Variants in ABCC2 observed in about 807,000 individuals in gnomAD.
ABCC2 encodes ATP binding cassette subfamily C member 2, also known as ATP-binding cassette sub-family C member 2.
A neutral mutation model predicts 173.4 loss-of-function variants in ABCC2; 157 were observed. The ratio of observed to expected loss-of-function variants is 0.91; its 90% CI spans 0.80 to 1.03. ABCC2 has a LOEUF of 1.03. Ranked by LOEUF, ABCC2 falls within the 50% of genes least tolerant of loss-of-function variation. The probability of loss-of-function intolerance (pLI) is 0.00; values close to 1 mark genes in which losing one functional copy is unlikely to be tolerated. For synonymous variants in ABCC2, 657 were observed against 693.5 expected, an observed-to-expected ratio of 0.95 and a Z score of 0.83; for missense variants, 1,822 against 1,852.3, an observed-to-expected ratio of 0.98 and a Z score of 0.30.
At chr10:99,850,011 C>T (rs1292092160) in intron 30 of ABCC2, among the ~76,000 whole-genome samples, 2 of 152,204 alleles carry the variant, frequency 1.3e-5, no homozygotes, top group Non-Finnish European at 2.9e-5. Flanking sequence ...CAAGACATCA[C>T]GTTCATTAGA....
At chr10:99,810,793 G>C (rs1332446798) in intron 14 of ABCC2, among the ~76,000 whole-genome samples, 1 of 152,196 alleles carries the variant, frequency 6.6e-6, no homozygotes, top group Non-Finnish European at 1.5e-5. Context: ...GGAAGGCCGA[G>C]GTGGGTGGAT....
intron 21 of ABCC2, among the ~76,000 whole-genome samples, 161 bp from the exon 22 acceptor site, chr10:99,831,450 C>G (rs1228555352): frequency 1.3e-5 from 2 of 152,170 alleles, no homozygotes; most frequent in Non-Finnish European, 1.5e-5. Context: ...TATTATCCTT[C>G]CTGGCACAGT....
rs17216296 is a variant in ABCC2, at chr10:99,847,056, C to T, written c.4242C>T (p.His1414=). The change falls in exon 30 of 32, where the codon CAC becomes CAT. Residue 1414 remains histidine, a synonymous_variant. Transcript: ENST00000647814. ...TTTGGAAGGCCTTGGAGCTGGCTCA[C>T]CTCAAGTCTTTTGTGGCCAGCCTGC... The part of the protein sequence containing the change: ...EEIWKALELA[H]LKSFVASLQL... 2.5e-5 allele frequency: 41 copies of T among 1,614,234 alleles called. No individual in the cohort carries two copies. The African/African-American group carries it at 4.4e-4, about 17-fold the overall frequency.
chr10:99,787,460 G>T (rs79389568), intron 2 of ABCC2, among the ~76,000 whole-genome samples: 88,402 of 150,190 alleles, frequency 0.59, 26,156 homozygotes, highest in East Asian at 0.77. Flanking sequence ...CCTTTTTTTG[G>T]GGGGACGGAG....
chr10:99,812,064 C>T (rs75883658), intron 15 of ABCC2, among the ~76,000 whole-genome samples: 1,926 of 152,260 alleles, frequency 0.013, 50 homozygotes, highest in African/African-American at 0.044. Flanking sequence ...AATAGCACAC[C>T]CAATTCATCC....
At chr10:99,801,268 G>A (rs756294682) in intron 9 of ABCC2, among the ~76,000 whole-genome samples, 26 of 151,900 alleles carry the variant, frequency 1.7e-4, no homozygotes, top group Non-Finnish European at 3.5e-4. Flanking sequence ...ATGGAGTCTC[G>A]CTCTATCACC....
intron 2 of ABCC2, among the ~76,000 whole-genome samples, chr10:99,789,779 C>G (rs1269267765): frequency 6.7e-6 from 1 of 149,030 alleles, no homozygotes; most frequent in Non-Finnish European, 1.5e-5. Context: ...AATTAAAGAG[C>G]TGGACTGTAA....
At chr10:99,792,207 T>C in intron 2 of ABCC2, 27 bp from the exon 3 acceptor site, 1 of 1,613,614 alleles carries the variant, frequency 6.2e-7, no homozygotes, top group Non-Finnish European at 8.5e-7. Flanking sequence ...TGATATCCTC[T>C]TAACAGTGGT....
At chr10:99,791,632 G>T (rs1010917298) in intron 2 of ABCC2, among the ~76,000 whole-genome samples, 4 of 152,192 alleles carry the variant, frequency 2.6e-5, no homozygotes, top group African/African-American at 9.7e-5. Flanking sequence ...GGGGTTACTG[G>T]CATGTGAAGT....
intron 16 of ABCC2, among the ~76,000 whole-genome samples, chr10:99,814,434 T>A (rs1360631918): frequency 8.1e-6 from 1 of 123,530 alleles, no homozygotes; most frequent in Admixed American, 7.8e-5. Context: ...CATATATGTG[T>A]ATACACACAT....
In ABCC2 at chr10:99,814,570, CACACATATGTGTATAT is replaced by C. The variant is rs1564685399; in HGVS notation, c.2094+1435_2094+1450del. On this transcript the variant is annotated intron_variant, in intron 16 of 31. Transcript: ENST00000647814. ...ACATATGTGTATATACACATATACA[CACACATATGTGTATAT>C]ACACATATACACACACATATGTGTA... Among the ~76,000 whole-genome samples the C allele has an allele frequency of 5.3e-5, 6 of 113,122 alleles. 1 individual carries two copies. Among genetic ancestry groups the C allele is most frequent in the African/African-American group, 1.8e-4 (6 of 32,930 alleles). The allele number at this position is 113,122 out of a possible 152,430, so 74.2% of individuals were successfully genotyped here.
At chr10:99,785,970 G>A (rs561660790) in intron 2 of ABCC2, among the ~76,000 whole-genome samples, 3 of 152,268 alleles carry the variant, frequency 2.0e-5, no homozygotes, top group Admixed American at 6.5e-5. Flanking sequence ...ACACTTTGAG[G>A]TTGGGGTTGA....
intron 6 of ABCC2, 114 bp downstream of exon 6, chr10:99,794,582 T>C: frequency 9.5e-7 from 1 of 1,054,762 alleles, no homozygotes. Flanking sequence ...TTTGCTCTTG[T>C]TGCCCAGGCT....
At chr10:99,810,689 G>A (rs1174048092) in intron 14 of ABCC2, among the ~76,000 whole-genome samples, 1 of 152,178 alleles carries the variant, frequency 6.6e-6, no homozygotes, top group African/African-American at 2.4e-5. Flanking sequence ...GTATCCATAG[G>A]TCAGGAATCT....
rs2038297479 is a variant in ABCC2, at chr10:99,814,254, T to TACACACAC, written c.2094+1111_2094+1112insCACACACA. Among the ~76,000 whole-genome samples the TACACACAC allele has an allele frequency of 3.1e-5, 2 of 65,380 alleles. 1 individual carries two copies. Among genetic ancestry groups the TACACACAC allele is most frequent in the African/African-American group, 1.4e-4 (2 of 14,308 alleles). The allele number at this position is 65,380 out of a possible 152,430, so 42.9% of individuals were successfully genotyped here. A position where few individuals can be genotyped will look rare whatever the true frequency, so the allele number is the denominator to read the frequency against. On this transcript the variant is annotated intron_variant, in intron 16 of 31. Transcript: ENST00000647814. The stretch of plus-strand genomic sequence containing the variant: ...ATGTGTATATATGCACACACGTATG[T>TACACACAC]ATACACACGTATGTATACACACGTA...
rs1367822486 is a variant in ABCC2, at chr10:99,814,197, GTATA to G, written c.2094+1058_2094+1061del. 1.4e-4 allele frequency among the ~76,000 whole-genome samples: 7 copies of G among 50,224 alleles called. 1 individual carries two copies. In the South Asian group the frequency reaches 2.1e-3, roughly 15 times the overall value. The allele number at this position is 50,224 out of a possible 152,430, so 32.9% of individuals were successfully genotyped here. A position where few individuals can be genotyped will look rare whatever the true frequency, so the allele number is the denominator to read the frequency against. On this transcript the variant is annotated intron_variant, in intron 16 of 31. Transcript: ENST00000647814. ...CACACATGTATGTATACACACATGT[GTATA>G]TATACACACATGTGTATATATACAC...
At chr10:99,823,238 T>C (rs964766400) in intron 19 of ABCC2, among the ~76,000 whole-genome samples, 8 of 152,090 alleles carry the variant, frequency 5.3e-5, no homozygotes, top group African/African-American at 1.9e-4. Context: ...TGTTTTTTAA[T>C]CCTGCTGCAT....
At chr10:99,844,555 A>T in intron 28 of ABCC2, 90 bp downstream of exon 28, 1 of 1,540,078 alleles carries the variant, frequency 6.5e-7, no homozygotes, top group Non-Finnish European at 8.9e-7. Context: ...CTAAGCCTTC[A>T]TCATTTGGAT....
intron 24 of ABCC2, among the ~76,000 whole-genome samples, chr10:99,835,400 G>T (rs532456956): frequency 6.6e-6 from 1 of 151,768 alleles, no homozygotes; most frequent in Non-Finnish European, 1.5e-5. Flanking sequence ...TTTGCATCCC[G>T]TCTCTCCAAC....
Sources: gnomAD v4.1 joint callset for allele counts (sites outside exome capture counted in the v4.1 genomes callset) on GRCh38, gnomAD v4.1.1 for gene constraint, MANE v1.5 for transcripts, NCBI Gene and HGNC (gene_info 2026-07-23, HGNC 2026-07-21) for gene names.